The following AGBL4 variants were observed in gnomAD, a reference collection of about 807,000 sequenced individuals.
The protein encoded by AGBL4 is AGBL carboxypeptidase 4.
Under a neutral mutation model 66.4 loss-of-function variants are expected in AGBL4, and 58 were observed. The ratio of observed to expected loss-of-function variants is 0.87; its 90% confidence interval spans 0.71 to 1.09. AGBL4 has a LOEUF of 1.09. Ranked by LOEUF, AGBL4 falls within the 50% of genes least tolerant of loss-of-function variation. The pLI is 0.00. For synonymous variants in AGBL4, 234 were observed against 222.9 expected, an observed-to-expected ratio of 1.05 and a Z score of -0.44; for missense variants, 579 against 631.0, an observed-to-expected ratio of 0.92 and a Z score of 0.88.
intron 2 of AGBL4, among the ~76,000 whole-genome samples, chr1:49,832,268 T>C (rs1342972734): frequency 6.6e-6 from 1 of 151,390 alleles, no homozygotes; most frequent in Admixed American, 6.6e-5. Context: ...GTTCTTGCGA[T>C]AGTTTACTGA....
At chr1:48,890,075 T>C (rs1292771344) in intron 5 of AGBL4, among the ~76,000 whole-genome samples, 2 of 151,586 alleles carry the variant, frequency 1.3e-5, no homozygotes, top group Non-Finnish European at 2.9e-5. Context: ...CAGAGCTGGG[T>C]TGTAACACTG....
At chr1:48,775,861 G>C (rs2148707780) in intron 6 of AGBL4, among the ~76,000 whole-genome samples, 1 of 152,344 alleles carries the variant, frequency 6.6e-6, no homozygotes, top group South Asian at 2.1e-4. Context: ...TTCTGACCCA[G>C]AAACTCTCTC....
chr1:49,579,941 T>C (rs1395770355), intron 3 of AGBL4, among the ~76,000 whole-genome samples: 1 of 152,216 alleles, frequency 6.6e-6, no homozygotes, highest in Non-Finnish European at 1.5e-5. Flanking sequence ...TATTGCAGGC[T>C]GTCTCTCCCT....
At chr1:49,853,497 T>C (rs930176759) in intron 1 of AGBL4, among the ~76,000 whole-genome samples, 2 of 152,080 alleles carry the variant, frequency 1.3e-5, no homozygotes, top group Non-Finnish European at 2.9e-5. Context: ...CCAAGAGCTG[T>C]GGAACAATAT....
chr1:49,834,363 T>C (rs1645787271), intron 2 of AGBL4, among the ~76,000 whole-genome samples: 1 of 152,222 alleles, frequency 6.6e-6, no homozygotes, highest in African/African-American at 2.4e-5. Context: ...TTCTAATTTA[T>C]TTGCGAAGAA....
chr1:48,989,106 A>G (rs1660407696), intron 5 of AGBL4, among the ~76,000 whole-genome samples: 1 of 151,882 alleles, frequency 6.6e-6, no homozygotes, highest in Non-Finnish European at 1.5e-5. Context: ...CTTTATGACT[A>G]CTCTCTACTC....
At chr1:49,505,857 C>A (rs556464750) in intron 3 of AGBL4, among the ~76,000 whole-genome samples, 2 of 152,082 alleles carry the variant, frequency 1.3e-5, no homozygotes, top group South Asian at 4.1e-4. Flanking sequence ...AATTCCTATA[C>A]CATGTACATT....
intron 2 of AGBL4, among the ~76,000 whole-genome samples, chr1:49,749,953 A>T (rs1313706200): frequency 2.6e-5 from 4 of 152,204 alleles, no homozygotes; most frequent in Admixed American, 6.5e-5. Context: ...TTTCAAAATG[A>T]CAGACCTATA....
At chr1:48,926,735 C>T (rs1379731932) in intron 5 of AGBL4, among the ~76,000 whole-genome samples, 2 of 152,206 alleles carry the variant, frequency 1.3e-5, no homozygotes. Flanking sequence ...TTGTGTCTTC[C>T]AGAACCCACA....
chr1:48,951,561 T>C (rs1656984931), intron 5 of AGBL4, among the ~76,000 whole-genome samples: 1 of 152,190 alleles, frequency 6.6e-6, no homozygotes, highest in African/African-American at 2.4e-5. Context: ...ATGAGATTAG[T>C]GCCCTTATAC....
intron 1 of AGBL4, among the ~76,000 whole-genome samples, chr1:49,939,828 A>C (rs1654549041): frequency 6.6e-6 from 1 of 152,224 alleles, no homozygotes; most frequent in Non-Finnish European, 1.5e-5. Context: ...AAGCAATGGC[A>C]ACAAAAGCCA....
intron 5 of AGBL4, among the ~76,000 whole-genome samples, chr1:48,873,003 A>G (rs890283273): frequency 2.0e-5 from 3 of 152,138 alleles, no homozygotes; most frequent in African/African-American, 7.2e-5. Flanking sequence ...GCTTCTCACT[A>G]TCTGGTACCT....
chr1:49,751,252 A>C (rs917086005), intron 2 of AGBL4, among the ~76,000 whole-genome samples: 1 of 152,168 alleles, frequency 6.6e-6, no homozygotes, highest in Admixed American at 6.5e-5. Context: ...TTTGAGATAC[A>C]TTCCATCAAT....
At chr1:49,470,021 T>C (rs1321324779) in intron 3 of AGBL4, 1 of 151,914 alleles carries the variant, frequency 6.6e-6, no homozygotes, top group Non-Finnish European at 1.5e-5. Context: ...AAAATTAGAA[T>C]AATAACAGTC....
rs1435374249 is a variant in AGBL4, at chr1:48,587,091, T to C, written c.1180A>G (p.Thr394Ala). The change falls in exon 11 of 14, where the codon ACT (threonine) becomes GCT (alanine). Residue 394 changes from threonine (T) to alanine (A), a missense_variant. Thr to Ala is a moderately conservative substitution (Grantham distance 58). Coordinates refer to ENST00000371839, the MANE Select transcript of AGBL4 (RefSeq NM_032785.4). The part of the protein sequence containing the change: ...RRFLGGLLDH[T>A]SYCYTLEVSF... ...ACCTCTAGGGTGTAGCAATAGGAAG[T>C]GTGGTCCAGGAGTCCACCGAGGAAG... 1.3e-6 allele frequency: 2 copies of C among 1,595,814 alleles called. No homozygotes were observed. The highest frequency in any genetic ancestry group is 2.3e-5 in the East Asian group (1 of 44,088).
At position 49,845,667 on chromosome 1, in the gene AGBL4, G is replaced by A. The variant is rs1646121940; in HGVS notation, c.157+5729C>T. 9 of 1,606,252 alleles carry A rather than the reference G, an allele frequency of 5.6e-6. No individual in the cohort carries two copies. In the South Asian group the frequency reaches 6.6e-5, roughly 12 times the overall value. On this transcript the variant is annotated intron_variant, in intron 2 of 13. Coordinates refer to ENST00000371839, the MANE Select transcript of AGBL4 (RefSeq NM_032785.4). ...CCCACACAGGAGAAAAGCCCTGTGA[G>A]TGCAGTGAGTCTGGGAAAGCCTTCA...
chr1:48,575,271 A>G (rs1472031508), intron 11 of AGBL4, among the ~76,000 whole-genome samples: 3 of 152,128 alleles, frequency 2.0e-5, no homozygotes, highest in Non-Finnish European at 4.4e-5. Flanking sequence ...GACAAACTGG[A>G]TCTGGGCTCC....
intron 2 of AGBL4, among the ~76,000 whole-genome samples, chr1:49,799,180 C>T (rs1056560328): frequency 1.3e-5 from 2 of 152,074 alleles, no homozygotes; most frequent in African/African-American, 4.8e-5. Context: ...TTTGGCCACA[C>T]AGAGAGCTTT....
intron 6 of AGBL4, among the ~76,000 whole-genome samples, chr1:48,851,977 T>G (rs1317364026): frequency 2.0e-5 from 3 of 147,746 alleles, no homozygotes; most frequent in Non-Finnish European, 4.5e-5. Context: ...CATAACAACA[T>G]GAGCATTTCC....
Sources: gnomAD v4.1 joint callset for allele counts (sites outside exome capture counted in the v4.1 genomes callset) on GRCh38, gnomAD v4.1.1 for gene constraint, MANE v1.5 for transcripts, NCBI Gene and HGNC (gene_info 2026-07-23, HGNC 2026-07-21) for gene names.